CCDC32: variants seen among roughly 807,000 people sequenced by gnomAD.
CCDC32 encodes the protein coiled-coil domain containing 32, also known as coiled-coil domain-containing protein 32.
Under a neutral mutation model 20.1 loss-of-function variants are expected in CCDC32, and 9 were observed. That is an observed-to-expected ratio of 0.45 (90% CI 0.27 to 0.78). The LOEUF is 0.78. Among genes scored for constraint, CCDC32 ranks in the 30% least tolerant of loss-of-function variants. The pLI, the probability that CCDC32 is intolerant of heterozygous loss-of-function variation, is 0.16. For synonymous variants in CCDC32, 63 were observed against 79.0 expected (o/e 0.80, Z 1.07); for missense variants, 204 against 215.5 (o/e 0.95, Z 0.33).
Position 40,562,764 on chromosome 15 carries a change from A to C in CCDC32, c.244+8T>G. 6.2e-7 allele frequency: 1 copy of C among 1,609,410 alleles called. No homozygotes were observed. The highest frequency in any genetic ancestry group is 8.5e-7 in the Non-Finnish European group (1 of 1,177,212). On this transcript the variant is annotated splice_region_variant and intron_variant, in intron 2 of 3. Transcript: ENST00000416810. Reference sequence around the variant, plus strand: ...TTCAATATGCTTCCCTAGAGCCGTCAAACTTACCTAGAGATGCTAAATACA... The same window carrying C: ...TTCAATATGCTTCCCTAGAGCCGTCCAACTTACCTAGAGATGCTAAATACA...
At chr15:40,530,856 C>T (rs375961867), downstream of CCDC32, among the ~76,000 whole-genome samples, 1 of 150,970 alleles carries the variant, frequency 6.6e-6, no homozygotes, top group Non-Finnish European at 1.5e-5. Context: ...GGATTATAGG[C>T]GTGCGCCACC....
At chr15:40,541,645 C>T (rs762212693) in intron 3 of CCDC32, among the ~76,000 whole-genome samples, 1 of 152,178 alleles carries the variant, frequency 6.6e-6, no homozygotes, top group Non-Finnish European at 1.5e-5. Flanking sequence ...ATCTTTATGT[C>T]TCCTCAGAGT....
At chr15:40,552,773 A>AAAAG (rs1325986331), downstream of CCDC32, 1 of 88,752 alleles carries the variant, frequency 1.1e-5, no homozygotes, top group African/African-American at 6.3e-5. Flanking sequence ...TGCGACCTCA[A>AAAAG]AAAAAAAAAA....
At chr15:40,556,457 A>C (rs1245756985) in intron 3 of CCDC32, among the ~76,000 whole-genome samples, 3 of 152,236 alleles carry the variant, frequency 2.0e-5, no homozygotes, top group Non-Finnish European at 4.4e-5. Flanking sequence ...CATGACACCA[A>C]GCACAGTGCT....
chr15:40,541,425 C>T (rs1256214323), intron 3 of CCDC32, among the ~76,000 whole-genome samples: 6 of 151,916 alleles, frequency 3.9e-5, no homozygotes, highest in African/African-American at 1.2e-4. Flanking sequence ...CTCCGCCTCC[C>T]GGGTTCAAGC....
chr15:40,527,836 C>T (rs1363420380), downstream of CCDC32, among the ~76,000 whole-genome samples: 2 of 152,192 alleles, frequency 1.3e-5, no homozygotes, highest in African/African-American at 4.8e-5. Context: ...GACTTCTCAG[C>T]CTCCATAAGA....
At chr15:40,558,958 C>G (rs1456568116) in intron 2 of CCDC32, among the ~76,000 whole-genome samples, 1 of 152,000 alleles carries the variant, frequency 6.6e-6, no homozygotes, top group African/African-American at 2.4e-5. Flanking sequence ...CGCACACCAT[C>G]ACACGTGGCT....
intron 2 of CCDC32, among the ~76,000 whole-genome samples, chr15:40,560,499 A>C (rs974621063): frequency 2.6e-5 from 4 of 152,238 alleles, no homozygotes; most frequent in Admixed American, 6.5e-5. Flanking sequence ...AGAATCTACA[A>C]GGTGCTCAAA....
chr15:40,534,499 A>G (rs1289058036), downstream of CCDC32: 2 of 161,214 alleles, frequency 1.2e-5, no homozygotes, highest in Admixed American at 6.1e-5. Context: ...AGCCCCTTCT[A>G]AAACCATCAG....
intron 3 of CCDC32, chr15:40,528,886 A>G (rs1894933682): frequency 1.5e-6 from 1 of 650,576 alleles, no homozygotes; most frequent in Non-Finnish European, 2.7e-6. Context: ...TTCCAAGGAC[A>G]GACTCGTGTC....
rs1422712993 is a variant in CCDC32, at chr15:40,557,343, T to G, written c.274A>C (p.Asn92His). The G allele has an allele frequency of 1.2e-6, 2 of 1,613,448 alleles. No individual in the cohort carries two copies. Among genetic ancestry groups the G allele is most frequent in the Non-Finnish European group, 1.7e-6 (2 of 1,179,838 alleles). ...ATGTCCTTGGAAGTCACTTCCTGAT[T>G]TAAACCTTTGATTCTTCTTAGCTTC... ...EKKLRRIKGL[N>H]QEVTSKDMLR... The change falls in exon 3 of 4, where the codon AAT (asparagine) becomes CAT (histidine). Residue 92 changes from asparagine (N) to histidine (H), a missense_variant. Transcript: ENST00000416810.
rs60438611 is a variant in CCDC32, at chr15:40,553,905, CGTGTGTGTGTGTGTGTGTGTGTGTGT to C, written c.*40_*65del. ...CTCTGGACCCGAGACAGCTGCTCGG[CGTGTGTGTGTGTGTGTGTGTGTGTGT>C]GTGTGTGTGTGTGTGTGTGTGTGTG... On this transcript the variant is annotated 3_prime_UTR_variant, in exon 4 of 4. Coordinates refer to ENST00000416810, the MANE Select transcript of CCDC32 (RefSeq NM_001080792.4). 694 of 1,435,364 alleles carry C rather than the reference CGTGTGTGTGTGTGTGTGTGTGTGTGT, an allele frequency of 4.8e-4. 1 individual carries two copies. In the African/African-American group the frequency reaches 7.3e-3, roughly 15 times the overall value. The allele number at this position is 1,435,364 out of a possible 1,614,324, so 88.9% of individuals were successfully genotyped here.
intron 2 of CCDC32, among the ~76,000 whole-genome samples, chr15:40,558,247 G>T (rs577611067): frequency 6.6e-6 from 1 of 152,222 alleles, no homozygotes; most frequent in East Asian, 1.9e-4. Flanking sequence ...ATGATTTGCA[G>T]TTCTGTTTTC....
chr15:40,564,839 C>T, intron 1 of CCDC32, 137 bp downstream of exon 1: 1 of 1,610,506 alleles, frequency 6.2e-7, no homozygotes, highest in Non-Finnish European at 8.5e-7. Context: ...GCGTCCAGAT[C>T]CCAGGCCTCA....
At chr15:40,533,737 A>C (rs1888987550), downstream of CCDC32, among the ~76,000 whole-genome samples, 1 of 152,218 alleles carries the variant, frequency 6.6e-6, no homozygotes, top group African/African-American at 2.4e-5. Flanking sequence ...GATGCCAAAT[A>C]ATGTGTAAAA....
chr15:40,535,199 A>C, downstream of CCDC32: 1 of 1,372,146 alleles, frequency 7.3e-7, no homozygotes, highest in Non-Finnish European at 9.6e-7. Flanking sequence ...AATGGGGGAG[A>C]ATGCAGAGGT....
At chr15:40,563,701 C>G (rs976639401) in intron 1 of CCDC32, among the ~76,000 whole-genome samples, 3 of 87,568 alleles carry the variant, frequency 3.4e-5, no homozygotes, top group African/African-American at 8.4e-5. Flanking sequence ...CACACACACA[C>G]ACACACAAAT....
At chr15:40,523,402 G>A in the CCDC32 span, among the ~76,000 whole-genome samples, 1 of 151,572 alleles carries the variant, frequency 6.6e-6, no homozygotes, top group African/African-American at 2.4e-5. Context: ...TACTCAGGAG[G>A]CTGAGGCAGG....
chr15:40,526,895 C>T (rs1416030812), downstream of CCDC32, among the ~76,000 whole-genome samples: 1 of 152,150 alleles, frequency 6.6e-6, no homozygotes, highest in African/African-American at 2.4e-5. Flanking sequence ...TAAAGCGAGA[C>T]TCTGACTCAT....
Sources: allele counts gnomAD v4.1 joint callset (sites outside exome capture counted in the v4.1 genomes callset), GRCh38; gene constraint gnomAD v4.1.1; transcripts MANE v1.5; gene names NCBI Gene and HGNC (gene_info 2026-07-23, HGNC 2026-07-21).